Variants in NPR2 observed in about 807,000 individuals in gnomAD.
The protein encoded by NPR2 is natriuretic peptide receptor 2.
Under a neutral mutation model 120.7 loss-of-function variants are expected in NPR2, and 49 were observed. The ratio of observed to expected loss-of-function variants is 0.41; its 90% CI spans 0.32 to 0.52. The LOEUF is 0.52. Among genes scored for constraint, NPR2 ranks in the 20% least tolerant of loss-of-function variants. The pLI, the probability that NPR2 is intolerant of heterozygous loss-of-function variation, is 0.36. For missense variants in NPR2, 931 were observed against 1,362.9 expected, an observed-to-expected ratio of 0.68 and a Z score of 4.99; for synonymous variants, 484 against 519.8, an observed-to-expected ratio of 0.93 and a Z score of 0.94.
chr9:35,793,742 A>G (rs1390811658), intron 1 of NPR2, among the ~76,000 whole-genome samples, 156 bp from the exon 2 acceptor site: 2 of 152,018 alleles, frequency 1.3e-5, no homozygotes, highest in Admixed American at 6.6e-5. Context: ...GGTGGACTCC[A>G]AGAGGGGTGG....
rs114115939 is a variant in NPR2 at position 35,801,723 on chromosome 9, G to A, written c.1517G>A (p.Arg506His). Residue 506 changes from arginine to histidine, a missense_variant, in exon 8 of 22, where the codon CGT (arginine) becomes CAT (histidine). Coordinates refer to ENST00000342694, the MANE Select transcript of NPR2 (RefSeq NM_003995.4). Reference sequence around the variant, plus strand: ...GAACTGCAGTTTGGCAACTCAGAGCGTTATCACAAAGGTGCAGGCAGTCGC... The same window carrying A: ...GAACTGCAGTTTGGCAACTCAGAGCATTATCACAAAGGTGCAGGCAGTCGC... ...WEELQFGNSE[R>H]YHKGAGSRLT... 8.7e-5 allele frequency: 141 copies of A among 1,614,196 alleles called. No homozygotes were observed. In the African/African-American group the frequency reaches 1.3e-3, roughly 15 times the overall value.
In NPR2 at chr9:35,793,082, G is replaced by T; in HGVS notation, c.667+7G>T. On this transcript the variant is annotated splice_region_variant and intron_variant, in intron 1 of 21. Coordinates refer to ENST00000342694, the MANE Select transcript of NPR2 (RefSeq NM_003995.4). ...ATCCGGGCCAACGGGCGCAGTGAGTGTGGCCTGGGCTATTTTAGGGTCATG... is the reference window on the plus strand; with the variant it reads ...ATCCGGGCCAACGGGCGCAGTGAGTTTGGCCTGGGCTATTTTAGGGTCATG... 6.3e-7 allele frequency: 1 copy of T among 1,586,202 alleles called. No homozygotes were observed. The highest frequency in any genetic ancestry group is 8.5e-7 in the Non-Finnish European group (1 of 1,169,812).
chr9:35,791,883 G>A lies in NPR2; in HGVS notation c.-526G>A, dbSNP rs1317234100. On this transcript the variant is annotated 5_prime_UTR_variant, in exon 1 of 22. Transcript: ENST00000342694. ...TCCCCTGCCCTCCGGCCCAGGCCTC[G>A]CTTCGCTCCCCGCCTGCCCATGATC... Among the ~76,000 whole-genome samples the A allele has an allele frequency of 6.6e-6, 1 of 151,854 alleles. No homozygotes were observed.
Position 35,802,887 on chromosome 9 carries a change from C to T in NPR2, c.1887+84C>T, listed in dbSNP as rs942809100. 1.1e-6 allele frequency: 1 copy of T among 908,384 alleles called. No homozygotes were observed. 56.3% of individuals were successfully genotyped at this position (908,384 alleles called of 1,614,324 possible). On this transcript the variant is annotated intron_variant, in intron 12 of 21. Coordinates refer to ENST00000342694, the MANE Select transcript of NPR2 (RefSeq NM_003995.4). The surrounding 1 kb of genome is among the most constrained non-coding windows in gnomAD (Gnocchi z 4.2). Reference sequence around the variant, plus strand: ...GATTGTGGTTTTTCTCCTTCTAGTCCTCTGAAGTCCTGTTCTCTCATCTCC... The same window carrying T: ...GATTGTGGTTTTTCTCCTTCTAGTCTTCTGAAGTCCTGTTCTCTCATCTCC...
At chr9:35,798,747 G>T (rs1226732813) in intron 2 of NPR2, among the ~76,000 whole-genome samples, 1 of 152,206 alleles carries the variant, frequency 6.6e-6, no homozygotes, top group Admixed American at 6.5e-5. Context: ...CTGAGGCAGG[G>T]CCTGAGACTG....
chr9:35,792,366 C>A lies in NPR2; in HGVS notation c.-43C>A. 2 of 1,590,994 alleles carry A rather than the reference C, an allele frequency of 1.3e-6. No homozygotes were observed. The highest frequency in any genetic ancestry group is 1.1e-5 in the South Asian group (1 of 88,392). Reference sequence around the variant, plus strand: ...CTCGCGTCTCCCCTGTAGGCCAGAGCAGCCCCAAGTTCTGGGGGCGGTGGG... The same window carrying A: ...CTCGCGTCTCCCCTGTAGGCCAGAGAAGCCCCAAGTTCTGGGGGCGGTGGG... On this transcript the variant is annotated 5_prime_UTR_variant, in exon 1 of 22. Coordinates refer to ENST00000342694, the MANE Select transcript of NPR2 (RefSeq NM_003995.4).
At position 35,799,707 on chromosome 9, in the gene NPR2, T is replaced by C. The variant is rs2132077534; in HGVS notation, c.963T>C (p.Phe321=). The C allele has an allele frequency of 3.1e-6, 5 of 1,613,958 alleles. No homozygotes were observed. The highest frequency in any genetic ancestry group is 4.2e-6 in the Non-Finnish European group (5 of 1,179,948). Residue 321 remains phenylalanine, a synonymous_variant, in exon 3 of 22, where the codon TTT becomes TTC. Transcript: ENST00000342694. ...NRLLIRARED[F]GVELGPSLMN... ...TGCTGATAAGAGCCCGGGAAGACTT[T>C]GGTGTGGAGCTGGGCCCTTCCCTGG...
Position 35,800,194 on chromosome 9 carries a change from T to C in NPR2, c.1123+37T>C, listed in dbSNP as rs1828097483. 4 of 1,590,500 alleles carry C rather than the reference T, an allele frequency of 2.5e-6. No homozygotes were observed. The highest frequency in any genetic ancestry group is 3.5e-6 in the Non-Finnish European group (4 of 1,158,642). Reference sequence around the variant, plus strand: ...GGGTCAATGGGGGTCTGAGGGCTGATGTCAGGAATAGAGTGGGCTGAAGAA... The same window carrying C: ...GGGTCAATGGGGGTCTGAGGGCTGACGTCAGGAATAGAGTGGGCTGAAGAA... On this transcript the variant is annotated intron_variant, in intron 4 of 21. Coordinates refer to ENST00000342694, the MANE Select transcript of NPR2 (RefSeq NM_003995.4). This position sits in a 1 kb window ranked among gnomAD's most constrained non-coding sequence, Gnocchi z 4.7.
chr9:35,800,564 C>T lies in NPR2; in HGVS notation c.1218+81C>T. On this transcript the variant is annotated intron_variant, in intron 5 of 21. Coordinates refer to ENST00000342694, the MANE Select transcript of NPR2 (RefSeq NM_003995.4). The surrounding 1 kb of genome is among the most constrained non-coding windows in gnomAD (Gnocchi z 4.7). ...GGGTTCAGTCGGGGCAGAACCAAAA[C>T]TACTAGATGAGGGATTTGTTTTCTC... 1 of 1,564,582 alleles carries T rather than the reference C, an allele frequency of 6.4e-7. No individual in the cohort carries two copies. The highest frequency in any genetic ancestry group is 1.1e-5 in the South Asian group (1 of 89,928).
rs1212656896 is a variant in NPR2 at position 35,805,711 on chromosome 9, C to T, written c.2047+41C>T. 6.2e-7 allele frequency: 1 copy of T among 1,612,512 alleles called. No individual in the cohort carries two copies. Among genetic ancestry groups the T allele is most frequent in the East Asian group, 2.2e-5 (1 of 44,880 alleles). On this transcript the variant is annotated intron_variant, in intron 13 of 21. Transcript: ENST00000342694. The surrounding 1 kb of genome is among the most constrained non-coding windows in gnomAD (Gnocchi z 4.9). The stretch of plus-strand genomic sequence containing the variant: ...ACAACCCACTTTTTATATTGCTCCT[C>T]TTTCCACCTAGGGATGGTGGGAGAG...
At chr9:35,798,858 T>A (rs1828028738) in intron 2 of NPR2, among the ~76,000 whole-genome samples, 1 of 152,208 alleles carries the variant, frequency 6.6e-6, no homozygotes, top group African/African-American at 2.4e-5. Flanking sequence ...GCCAGTGAGA[T>A]GTGTGCATGT....
intron 2 of NPR2, among the ~76,000 whole-genome samples, chr9:35,797,729 G>T (rs547313187): frequency 1.4e-3 from 208 of 145,272 alleles, no homozygotes; most frequent in African/African-American, 4.9e-3. Context: ...TTGAGGTTGG[G>T]TTTTTTTTTT....
chr9:35,809,030 T>A lies in NPR2; in HGVS notation c.2987-126T>A. The A allele has an allele frequency of 3.8e-6, 4 of 1,045,716 alleles. No individual in the cohort carries two copies. The highest frequency in any genetic ancestry group is 4.5e-6 in the Non-Finnish European group (3 of 666,948). 64.8% of individuals were successfully genotyped at this position (1,045,716 alleles called of 1,614,324 possible). On this transcript the variant is annotated intron_variant, in intron 20 of 21. Transcript: ENST00000342694. The surrounding 1 kb of genome is among the most constrained non-coding windows in gnomAD (Gnocchi z 4.1). Reference sequence around the variant, plus strand: ...GAGGTTGGGCATATTTTGGTCCTAATAGATATGCATTGGGAGCTTCCCAGG... The same window carrying A: ...GAGGTTGGGCATATTTTGGTCCTAAAAGATATGCATTGGGAGCTTCCCAGG...
At chr9:35,795,325 G>T (rs61758521) in intron 2 of NPR2, among the ~76,000 whole-genome samples, 1 of 152,036 alleles carries the variant, frequency 6.6e-6, no homozygotes, top group African/African-American at 2.4e-5. Flanking sequence ...TCATACCCAT[G>T]AATCTTCCCG....
chr9:35,806,561 G>A lies in NPR2; in HGVS notation c.2519+23G>A, dbSNP rs772509106. 3 of 1,614,022 alleles carry A rather than the reference G, an allele frequency of 1.9e-6. No homozygotes were observed. The highest frequency in any genetic ancestry group is 8.5e-7 in the Non-Finnish European group (1 of 1,179,952). ...CCAGTGAGACTTTGTCCCCCTTCCT[G>A]TATTTTCTTTTGGGATTCTGCTCTG... On this transcript the variant is annotated intron_variant, in intron 16 of 21. Coordinates refer to ENST00000342694, the MANE Select transcript of NPR2 (RefSeq NM_003995.4). The surrounding 1 kb of genome is among the most constrained non-coding windows in gnomAD (Gnocchi z 4.6).
intron 7 of NPR2, 24 bp downstream of exon 7, chr9:35,801,178 C>T (rs1828140358): frequency 1.9e-5 from 30 of 1,559,136 alleles, no homozygotes; most frequent in Non-Finnish European, 2.1e-5. Context: ...TTCTTGCTGA[C>T]CTACTCCCTG....
chr9:35,799,662 T>C lies in NPR2; in HGVS notation c.918T>C (p.Tyr306=). ...ITYREPPNPE[Y]QEFQNRLLIR... is the part of the protein sequence containing the mutation. ...ACCGAGAACCCCCAAATCCTGAGTA[T>C]CAGGAATTCCAGAATCGTCTGCTGA... Residue 306 remains tyrosine (Y), a synonymous_variant, in exon 3 of 22, where the codon TAT becomes TAC. Transcript: ENST00000342694. 6.2e-7 allele frequency: 1 copy of C among 1,613,984 alleles called. No homozygotes were observed. Among genetic ancestry groups the C allele is most frequent in the Non-Finnish European group, 8.5e-7 (1 of 1,180,004 alleles).
Position 35,802,949 on chromosome 9 carries a change from G to A in NPR2, c.1887+146G>A. On this transcript the variant is annotated intron_variant, in intron 12 of 21. Coordinates refer to ENST00000342694, the MANE Select transcript of NPR2 (RefSeq NM_003995.4). This position sits in a 1 kb window ranked among gnomAD's most constrained non-coding sequence, Gnocchi z 4.2. ...TGGTCTGGTAATAATGGGTAAACAA[G>A]GAGTCTGGGGCTTATAACTGGGACA... 1 of 701,698 alleles carries A rather than the reference G, an allele frequency of 1.4e-6. No homozygotes were observed. The highest frequency in any genetic ancestry group is 1.5e-5 in the South Asian group (1 of 67,010). 43.5% of individuals were successfully genotyped at this position (701,698 alleles called of 1,614,324 possible). A position where few individuals can be genotyped will look rare whatever the true frequency, so the allele number is the denominator to read the frequency against.
chr9:35,806,129 A>G lies in NPR2; in HGVS notation c.2268A>G (p.Gln756=), dbSNP rs770876656. Residue 756 remains glutamine (Q), a synonymous_variant, in exon 15 of 22, where the codon CAA becomes CAG. Coordinates refer to ENST00000342694, the MANE Select transcript of NPR2 (RefSeq NM_003995.4). The surrounding 1 kb of genome is among the most constrained non-coding windows in gnomAD (Gnocchi z 4.6). ...TCCGGCCAAGCATTGACCGGACCCA[A>G]CTGAATGAAGAGCTAGTTTTGCTGA... ...PYFRPSIDRT[Q]LNEELVLLME... is the part of the protein sequence containing the mutation. 1.9e-6 allele frequency: 3 copies of G among 1,614,080 alleles called. No homozygotes were observed. Among genetic ancestry groups the G allele is most frequent in the Non-Finnish European group, 2.5e-6 (3 of 1,180,036 alleles).
Sources: gnomAD v4.1 joint callset for allele counts (sites outside exome capture counted in the v4.1 genomes callset) on GRCh38, gnomAD v4.1.1 for gene constraint, Gnocchi (gnomAD v3.1) non-coding constraint, MANE v1.5 for transcripts, NCBI Gene and HGNC (gene_info 2026-07-23, HGNC 2026-07-21) for gene names.